SASH1: variants seen among roughly 807,000 people sequenced by gnomAD.
SASH1 encodes SAM and SH3 domain-containing protein 1.
A neutral mutation model predicts 125.2 loss-of-function variants in SASH1; 44 were observed. The observed-to-expected ratio is 0.35, with a 90% CI of 0.28 to 0.45. SASH1 has a LOEUF of 0.45. Among genes scored for constraint, SASH1 ranks in the 20% least tolerant of loss-of-function variants. The pLI, the probability that SASH1 is intolerant of heterozygous loss-of-function variation, is 1.00. For synonymous variants in SASH1, 639 were observed against 649.1 expected, an observed-to-expected ratio of 0.98 and a Z score of 0.24; for missense variants, 1,426 against 1,614.5, an observed-to-expected ratio of 0.88 and a Z score of 2.00.
chr6:148,197,905 A>G, the SASH1 span, among the ~76,000 whole-genome samples: 1 of 152,138 alleles, frequency 6.6e-6, no homozygotes, highest in Non-Finnish European at 1.5e-5. Context: ...GCTGGAGTGC[A>G]GTGGTGCTAT....
chr6:148,473,646 C>G (rs1213816162), intron 6 of SASH1, among the ~76,000 whole-genome samples: 1 of 152,186 alleles, frequency 6.6e-6, no homozygotes, highest in East Asian at 1.9e-4. Context: ...TCTGTCATGA[C>G]CTAGGATTCT....
At chr6:148,434,631 G>A (rs540827289) in intron 2 of SASH1, among the ~76,000 whole-genome samples, 1 of 152,158 alleles carries the variant, frequency 6.6e-6, no homozygotes, top group African/African-American at 2.4e-5. Context: ...TCTTAACTAA[G>A]GTATCCATAT....
rs1562371208 is a variant in SASH1, at chr6:148,387,620, CTTT to C, written c.157-2513_157-2511del. ...TCTTTCTTTCTTTCTTTCTTTCTTT[CTTT>C]CTTTCTTTCTTTCTTTCTTTCTTTC... On this transcript the variant is annotated intron_variant, in intron 1 of 19. Transcript: ENST00000367467. Among the ~76,000 whole-genome samples the C allele has an allele frequency of 2.8e-3, 69 of 24,740 alleles. 5 individuals carry two copies. The highest frequency in any genetic ancestry group is 7.3e-3 in the African/African-American group (46 of 6,276). 16.2% of individuals were successfully genotyped at this position (24,740 alleles called of 152,430 possible). A position where few individuals can be genotyped will look rare whatever the true frequency, so the allele number is the denominator to read the frequency against.
chr6:148,351,488 A>C (rs1781728465), intron 1 of SASH1, among the ~76,000 whole-genome samples: 1 of 151,834 alleles, frequency 6.6e-6, no homozygotes, highest in Non-Finnish European at 1.5e-5. Context: ...CCATGTGTCC[A>C]CCCATCACTC....
chr6:148,266,860 C>T, the SASH1 span, among the ~76,000 whole-genome samples: 4 of 152,082 alleles, frequency 2.6e-5, no homozygotes, highest in Non-Finnish European at 4.4e-5. Flanking sequence ...GATCCTCCCA[C>T]CTCAGCCTCC....
chr6:148,477,331 TA>T (rs1778408187), intron 7 of SASH1, among the ~76,000 whole-genome samples: 2 of 152,036 alleles, frequency 1.3e-5, no homozygotes, highest in Admixed American at 6.6e-5. Context: ...AAAGGATTAA[TA>T]AACAATATAT....
chr6:148,473,951 A>G (rs1778227134), intron 6 of SASH1, among the ~76,000 whole-genome samples, 159 bp from the exon 7 acceptor site: 1 of 152,222 alleles, frequency 6.6e-6, no homozygotes, highest in African/African-American at 2.4e-5. Flanking sequence ...CTTAAAAAGC[A>G]GCATATTTTT....
intron 1 of SASH1, among the ~76,000 whole-genome samples, chr6:148,387,938 A>G (rs1197442636): frequency 1.1e-5 from 1 of 93,176 alleles, no homozygotes; most frequent in Non-Finnish European, 2.0e-5. Flanking sequence ...TTTTTGAGAC[A>G]GGGTTTCACT....
chr6:148,348,809 C>T (rs9390558), intron 1 of SASH1, among the ~76,000 whole-genome samples: 35,384 of 152,136 alleles, frequency 0.23, 4,391 homozygotes, highest in Middle Eastern at 0.32. Flanking sequence ...GAGCTATTAG[C>T]GATACTTGCC....
At chr6:148,523,351 G>A (rs1001420178) in intron 10 of SASH1, among the ~76,000 whole-genome samples, 4 of 152,198 alleles carry the variant, frequency 2.6e-5, no homozygotes, top group African/African-American at 9.7e-5. Flanking sequence ...GAAAGAGAAG[G>A]TTAATGTTAA....
intron 1 of SASH1, among the ~76,000 whole-genome samples, chr6:148,309,452 G>C (rs1337507730): frequency 6.6e-6 from 1 of 152,072 alleles, no homozygotes; most frequent in Non-Finnish European, 1.5e-5. Flanking sequence ...TTACACTAGT[G>C]TGGCATATTT....
At chr6:148,221,360 G>T in the SASH1 span, among the ~76,000 whole-genome samples, 4 of 152,246 alleles carry the variant, frequency 2.6e-5, no homozygotes, top group African/African-American at 4.8e-5. Flanking sequence ...CCTCAACAGA[G>T]CTTGCTTAGT....
At chr6:148,309,010 G>A (rs188123472) in intron 1 of SASH1, among the ~76,000 whole-genome samples, 33 of 150,248 alleles carry the variant, frequency 2.2e-4, no homozygotes, top group Admixed American at 1.2e-3. Context: ...CTTGAACTCC[G>A]GAGGTGGAGG....
chr6:148,533,461 G>A lies in SASH1; in HGVS notation c.1735-310G>A, dbSNP rs1781642924. 1.3e-5 allele frequency among the ~76,000 whole-genome samples: 2 copies of A among 152,194 alleles called. No homozygotes were observed. Among genetic ancestry groups the A allele is most frequent in the African/African-American group, 4.8e-5 (2 of 41,448 alleles). On this transcript the variant is annotated intron_variant, in intron 14 of 19. Coordinates refer to ENST00000367467, the MANE Select transcript of SASH1 (RefSeq NM_015278.5). This position sits in a 1 kb window ranked among gnomAD's most constrained non-coding sequence, Gnocchi z 6.2. The stretch of plus-strand genomic sequence containing the variant: ...CCTCTGAGGAGGGAAGGCGTTCAGA[G>A]TGCCGGGCGGGCAGCCTGGCTGAGA...
chr6:148,447,655 CTCTTCTTCCTCTTGT>C (rs1776857451), intron 4 of SASH1, among the ~76,000 whole-genome samples: 1 of 141,750 alleles, frequency 7.1e-6, no homozygotes. Context: ...CCTTTTCCTC[CTCTTCTTCCTCTTGT>C]TCTTCCTCCT....
chr6:148,368,752 ATGCGCG>A (rs1782576304), intron 1 of SASH1, among the ~76,000 whole-genome samples: 3 of 111,710 alleles, frequency 2.7e-5, no homozygotes, highest in Admixed American at 1.8e-4. Context: ...CCTCCCCCAC[ATGCGCG>A]CGCACGCGCG....
intron 5 of SASH1, among the ~76,000 whole-genome samples, chr6:148,469,598 C>T (rs1417797953): frequency 2.6e-5 from 4 of 152,062 alleles, no homozygotes; most frequent in African/African-American, 9.7e-5. Flanking sequence ...GTGGGCATAG[C>T]ACCATGTACC....
At chr6:148,312,215 T>C (rs1461054968) in intron 1 of SASH1, among the ~76,000 whole-genome samples, 2 of 152,220 alleles carry the variant, frequency 1.3e-5, no homozygotes, top group African/African-American at 4.8e-5. Flanking sequence ...TTGACTGTCA[T>C]GCTGGTTACA....
intron 4 of SASH1, among the ~76,000 whole-genome samples, chr6:148,453,403 C>T (rs116726220): frequency 2.6e-5 from 4 of 152,252 alleles, no homozygotes; most frequent in Admixed American, 6.5e-5. Context: ...CAGCTTAGTG[C>T]GTGCTCCCTG....
Sources: gnomAD v4.1 joint callset for allele counts (sites outside exome capture counted in the v4.1 genomes callset) on GRCh38, gnomAD v4.1.1 for gene constraint, Gnocchi (gnomAD v3.1) non-coding constraint, MANE v1.5 for transcripts, NCBI Gene and HGNC (gene_info 2026-07-23, HGNC 2026-07-21) for gene names.